KCNJ15: variants seen among roughly 807,000 people sequenced by gnomAD.
KCNJ15 encodes potassium inwardly rectifying channel subfamily J member 15.
In KCNJ15, 14 loss-of-function variants were observed where a neutral mutation model predicts 23.0. The ratio of observed to expected loss-of-function variants is 0.61; its 90% confidence interval spans 0.40 to 0.95. The LOEUF (loss-of-function observed/expected upper bound fraction) is 0.95. KCNJ15 is among the 40% of genes least tolerant of loss of function. The probability of loss-of-function intolerance (pLI) is 0.00; values close to 1 mark genes in which losing one functional copy is unlikely to be tolerated. For synonymous variants in KCNJ15, 185 were observed against 183.2 expected (o/e 1.01, Z -0.08); for missense variants, 388 against 461.8 (o/e 0.84, Z 1.46).
chr21:38,282,625 T>C (rs980292272), intron 1 of KCNJ15, among the ~76,000 whole-genome samples: 10 of 152,154 alleles, frequency 6.6e-5, no homozygotes, highest in African/African-American at 2.4e-4. Flanking sequence ...CTCTCTGACC[T>C]AGAACGTTGG....
chr21:38,237,640 C>T (rs1978702141), intron 1 of KCNJ15, among the ~76,000 whole-genome samples: 1 of 152,168 alleles, frequency 6.6e-6, no homozygotes, highest in Admixed American at 6.5e-5. Context: ...CCAGCCCAGC[C>T]ATCTCGTCTT....
intron 1 of KCNJ15, among the ~76,000 whole-genome samples, chr21:38,280,565 G>A (rs1310949001): frequency 1.3e-5 from 2 of 152,150 alleles, no homozygotes; most frequent in Admixed American, 6.5e-5. Flanking sequence ...TAGCACTACC[G>A]AATCTTTGAT....
chr21:38,264,537 A>G (rs1981260782), intron 1 of KCNJ15, among the ~76,000 whole-genome samples: 1 of 152,258 alleles, frequency 6.6e-6, no homozygotes, highest in Admixed American at 6.5e-5. Flanking sequence ...GTATTCTTCA[A>G]GCAATATGTA....
intron 1 of KCNJ15, among the ~76,000 whole-genome samples, chr21:38,235,319 C>T (rs927531138): frequency 1.3e-4 from 20 of 151,950 alleles, no homozygotes; most frequent in Non-Finnish European, 2.4e-4. Flanking sequence ...TTTGGGAGGC[C>T]GAGGTTGGTG....
chr21:38,240,300 A>C (rs1254961927), intron 1 of KCNJ15, among the ~76,000 whole-genome samples: 1 of 152,246 alleles, frequency 6.6e-6, no homozygotes, highest in Non-Finnish European at 1.5e-5. Context: ...CATCAAGTCT[A>C]GACCTTCCTT....
Position 38,280,673 on chromosome 21 carries a change from G to T in KCNJ15, c.-116-16253G>T, listed in dbSNP as rs150994003. On this transcript the variant is annotated intron_variant, in intron 1 of 2. Coordinates refer to ENST00000398938, the MANE Select transcript of KCNJ15 (RefSeq NM_170736.3). ...GCTTAAACAAAATTGCTGACTACAG[G>T]ATCATTTTGTAATACTGTATGGGTG... 3.2e-3 allele frequency among the ~76,000 whole-genome samples: 490 copies of T among 152,160 alleles called. 8 individuals are homozygous for T. The highest frequency in any genetic ancestry group is 0.011 in the African/African-American group (464 of 41,490).
At chr21:38,282,980 A>G (rs1983516023) in intron 1 of KCNJ15, among the ~76,000 whole-genome samples, 1 of 152,156 alleles carries the variant, frequency 6.6e-6, no homozygotes, top group Non-Finnish European at 1.5e-5. Context: ...AAGAAGAAAT[A>G]TGGAATAAAG....
At position 38,305,460 on chromosome 21, in the gene KCNJ15, AT is replaced by A. The variant is rs1850837558; in HGVS notation, c.*5072del. 1 of 152,240 alleles carries A rather than the reference AT, an allele frequency of 6.6e-6. No homozygotes were observed. Among genetic ancestry groups the A allele is most frequent in the African/African-American group, 2.4e-5 (1 of 41,466 alleles). 9.4% of individuals were successfully genotyped at this position (152,240 alleles called of 1,614,324 possible). ...TAGCTAATAAAAATTACAAGAAAGG[AT>A]GGTGGAAGTCAAAGGACAGAACTGA... is the stretch of plus-strand genomic sequence containing the variant. On this transcript the variant is annotated 3_prime_UTR_variant, in exon 3 of 3. Transcript: ENST00000398938.
chr21:38,232,606 A>G (rs1466405011), intron 1 of KCNJ15, among the ~76,000 whole-genome samples: 2 of 151,820 alleles, frequency 1.3e-5, no homozygotes, highest in Non-Finnish European at 3.0e-5. Flanking sequence ...TCTTCTAAAC[A>G]TTGCTTTAAC....
chr21:38,302,811 T>A lies in KCNJ15; in HGVS notation c.*2422T>A, dbSNP rs1368049749. 1 of 152,216 alleles carries A rather than the reference T, an allele frequency of 6.6e-6. No individual in the cohort carries two copies. Among genetic ancestry groups the A allele is most frequent in the East Asian group, 1.9e-4 (1 of 5,196 alleles). 9.4% of individuals were successfully genotyped at this position (152,216 alleles called of 1,614,324 possible). A position where few individuals can be genotyped will look rare whatever the true frequency, so the allele number is the denominator to read the frequency against. On this transcript the variant is annotated 3_prime_UTR_variant, in exon 3 of 3. Transcript: ENST00000398938. ...AAAAATTTTGTATTGTCATTTAGCATATCAATTTCAGCCAAATTTGGAAGA... is the reference window on the plus strand; with the variant it reads ...AAAAATTTTGTATTGTCATTTAGCAAATCAATTTCAGCCAAATTTGGAAGA...
intron 1 of KCNJ15, among the ~76,000 whole-genome samples, chr21:38,292,961 G>C (rs1984770999): frequency 7.3e-6 from 1 of 137,216 alleles, no homozygotes; most frequent in Admixed American, 7.1e-5. Context: ...AGAGTGAGAT[G>C]CTGTCTCAAA....
intron 1 of KCNJ15, among the ~76,000 whole-genome samples, chr21:38,279,139 G>A (rs745397431): frequency 2.2e-4 from 33 of 152,096 alleles, no homozygotes; most frequent in African/African-American, 7.5e-4. Context: ...GGGTAGACTC[G>A]GGGTGCTGAG....
At chr21:38,281,421 C>T (rs988252433) in intron 1 of KCNJ15, among the ~76,000 whole-genome samples, 2 of 152,052 alleles carry the variant, frequency 1.3e-5, no homozygotes, top group Admixed American at 6.5e-5. Flanking sequence ...TTTAAAACCA[C>T]CCCACAGCCC....
At chr21:38,276,989 G>C (rs1170458024) in intron 1 of KCNJ15, among the ~76,000 whole-genome samples, 1 of 151,054 alleles carries the variant, frequency 6.6e-6, no homozygotes, top group Non-Finnish European at 1.5e-5. Flanking sequence ...TCTGGTAATT[G>C]ACAATTACTA....
intron 1 of KCNJ15, among the ~76,000 whole-genome samples, chr21:38,246,054 A>G (rs546618340): frequency 1.8e-4 from 27 of 152,376 alleles, no homozygotes; most frequent in African/African-American, 2.4e-4. Flanking sequence ...CCTGTCTTAC[A>G]TACTCTGATT....
chr21:38,269,203 T>A (rs988853723), intron 1 of KCNJ15, among the ~76,000 whole-genome samples: 71 of 152,246 alleles, frequency 4.7e-4, no homozygotes, highest in Admixed American at 3.4e-3. Context: ...AAGGACCTGA[T>A]TCCCTTTTCA....
intron 1 of KCNJ15, among the ~76,000 whole-genome samples, chr21:38,288,034 T>TTTTTTTTC (rs1984142179): frequency 1.4e-5 from 1 of 71,672 alleles, no homozygotes; most frequent in African/African-American, 5.2e-5. Context: ...TTCTTTGTTT[T>TTTTTTTTC]TTTTTTTTTT....
At chr21:38,236,929 G>C (rs1409733537) in intron 1 of KCNJ15, among the ~76,000 whole-genome samples, 2 of 152,166 alleles carry the variant, frequency 1.3e-5, no homozygotes, top group African/African-American at 4.8e-5. Context: ...CCTGACTGAA[G>C]GGTCCAGAAG....
chr21:38,239,357 GCT>G (rs1397179032), intron 1 of KCNJ15, among the ~76,000 whole-genome samples: 1 of 152,164 alleles, frequency 6.6e-6, no homozygotes, highest in Non-Finnish European at 1.5e-5. Context: ...GCTAGTTATG[GCT>G]CTCGGCTCAG....
Sources: gnomAD v4.1 joint callset for allele counts (sites outside exome capture counted in the v4.1 genomes callset) on GRCh38, gnomAD v4.1.1 for gene constraint, MANE v1.5 for transcripts, NCBI Gene and HGNC (gene_info 2026-07-23, HGNC 2026-07-21) for gene names.